NTM: variants seen among roughly 807,000 people sequenced by gnomAD.
NTM encodes IgLON family member 2.
A neutral mutation model predicts 42.1 loss-of-function variants in NTM; 13 were observed. The ratio of observed to expected loss-of-function variants is 0.31; its 90% CI spans 0.20 to 0.49. The LOEUF is 0.49. NTM is among the 20% of genes least tolerant of loss of function. The pLI is 0.99. For synonymous variants in NTM, 187 were observed against 179.2 expected (o/e 1.04, Z -0.35); for missense variants, 373 against 452.8 (o/e 0.82, Z 1.60).
At chr11:131,839,684 T>G (rs556644172) in intron 1 of NTM, among the ~76,000 whole-genome samples, 1 of 152,348 alleles carries the variant, frequency 6.6e-6, no homozygotes, top group Admixed American at 6.5e-5. Flanking sequence ...AAGAATTTAA[T>G]GTACACTTGA....
chr11:131,543,183 G>C (rs142258250), intron 1 of NTM, among the ~76,000 whole-genome samples: 4 of 152,248 alleles, frequency 2.6e-5, no homozygotes, highest in African/African-American at 9.6e-5. Flanking sequence ...TCTACATCAA[G>C]ACCATGTAAC....
At chr11:131,837,221 G>A (rs2043617293) in intron 1 of NTM, among the ~76,000 whole-genome samples, 1 of 152,130 alleles carries the variant, frequency 6.6e-6, no homozygotes, top group Non-Finnish European at 1.5e-5. Flanking sequence ...TTTCCACACA[G>A]GCATCTACCG....
chr11:131,939,945 C>T (rs1471683759), intron 2 of NTM, among the ~76,000 whole-genome samples: 4 of 152,158 alleles, frequency 2.6e-5, no homozygotes, highest in African/African-American at 7.2e-5. Context: ...TTGAGGAAAC[C>T]TCACCGTGGG....
At chr11:131,616,058 C>T (rs896008415) in intron 1 of NTM, among the ~76,000 whole-genome samples, 2 of 152,254 alleles carry the variant, frequency 1.3e-5, no homozygotes, top group African/African-American at 2.4e-5. Flanking sequence ...CCTCAGGACA[C>T]GCTATCCAGG....
chr11:131,899,729 T>C (rs2052840500), intron 1 of NTM, among the ~76,000 whole-genome samples: 1 of 152,224 alleles, frequency 6.6e-6, no homozygotes, highest in African/African-American at 2.4e-5. Flanking sequence ...TAAGTTTTAT[T>C]CAGACATACT....
At chr11:131,476,195 G>A (rs1188441218) in intron 1 of NTM, among the ~76,000 whole-genome samples, 1 of 152,166 alleles carries the variant, frequency 6.6e-6, no homozygotes, top group Admixed American at 6.5e-5. Context: ...CCTAGGGTAT[G>A]TTCTTCTAGA....
intron 7 of NTM, among the ~76,000 whole-genome samples, chr11:132,326,178 TAAA>T (rs1565489833): frequency 6.6e-6 from 1 of 151,510 alleles, no homozygotes; most frequent in Non-Finnish European, 1.5e-5. Flanking sequence ...AATAATAAAA[TAAA>T]AAATAAAAAA....
At chr11:131,538,268 C>T (rs943255618) in intron 1 of NTM, 1 of 152,204 alleles carries the variant, frequency 6.6e-6, no homozygotes, top group Non-Finnish European at 1.5e-5. Flanking sequence ...GAAATCTAAA[C>T]AATAGTGCCT....
At chr11:132,311,182 T>C (rs929478746) in intron 6 of NTM, among the ~76,000 whole-genome samples, 7 of 152,166 alleles carry the variant, frequency 4.6e-5, no homozygotes, top group African/African-American at 1.7e-4. Context: ...TGTGCACGTC[T>C]TCAGCCAGCC....
intron 1 of NTM, among the ~76,000 whole-genome samples, chr11:131,765,064 C>T (rs1015414010): frequency 6.6e-6 from 1 of 152,192 alleles, no homozygotes; most frequent in Non-Finnish European, 1.5e-5. Context: ...TCCAGTTACA[C>T]TGTGTACTCC....
At chr11:132,196,296 A>G (rs1197821224) in intron 3 of NTM, among the ~76,000 whole-genome samples, 4 of 152,200 alleles carry the variant, frequency 2.6e-5, no homozygotes, top group East Asian at 3.8e-4. Context: ...TCGAAAAGCA[A>G]CAGATGTTGG....
intron 1 of NTM, chr11:131,877,574 T>C (rs371536386): frequency 6.6e-6 from 1 of 152,128 alleles, no homozygotes; most frequent in African/African-American, 2.4e-5. Flanking sequence ...CACAAAGCAA[T>C]CATGAAATAT....
At chr11:131,832,056 A>C (rs78792222) in intron 1 of NTM, among the ~76,000 whole-genome samples, 6,875 of 150,932 alleles carry the variant, frequency 0.046, 545 homozygotes, top group African/African-American at 0.16. Context: ...CTTTTTCTGC[A>C]TACAGGTGGA....
At chr11:131,467,604 T>G (rs1269994822) in intron 1 of NTM, among the ~76,000 whole-genome samples, 1 of 152,246 alleles carries the variant, frequency 6.6e-6, no homozygotes, top group Non-Finnish European at 1.5e-5. Flanking sequence ...GATACCTGAG[T>G]GTTGGACTAA....
At chr11:131,924,530 G>A (rs1021762804) in intron 2 of NTM, among the ~76,000 whole-genome samples, 6 of 152,166 alleles carry the variant, frequency 3.9e-5, no homozygotes, top group African/African-American at 1.4e-4. Flanking sequence ...CCAAAGGAAT[G>A]TGAGCCGAAG....
chr11:131,956,172 G>A (rs868408515), intron 2 of NTM, among the ~76,000 whole-genome samples: 2 of 152,162 alleles, frequency 1.3e-5, no homozygotes. Flanking sequence ...AGGGCCAGGC[G>A]CAGAGACGTG....
At chr11:131,790,395 A>G (rs1028033243) in intron 1 of NTM, among the ~76,000 whole-genome samples, 1 of 151,178 alleles carries the variant, frequency 6.6e-6, no homozygotes. Context: ...ATACATTGGG[A>G]TTCAGGTAAT....
intron 2 of NTM, among the ~76,000 whole-genome samples, chr11:132,119,716 G>C (rs1401351646): frequency 2.6e-5 from 4 of 152,234 alleles, no homozygotes; most frequent in Non-Finnish European, 4.4e-5. Context: ...CTCTGCCAAA[G>C]AGCCATATCT....
At chr11:131,950,605 G>A (rs1490709057) in intron 2 of NTM, among the ~76,000 whole-genome samples, 2 of 152,190 alleles carry the variant, frequency 1.3e-5, no homozygotes, top group African/African-American at 4.8e-5. Flanking sequence ...CTTGGCCAAT[G>A]GATGGTACTT....
Sources: gnomAD v4.1 joint callset for allele counts (sites outside exome capture counted in the v4.1 genomes callset) on GRCh38, gnomAD v4.1.1 for gene constraint, MANE v1.5 for transcripts, NCBI Gene and HGNC (gene_info 2026-07-23, HGNC 2026-07-21) for gene names.